The following DAAM1 variants were observed in gnomAD, a reference collection of about 807,000 sequenced individuals.
DAAM1 encodes the protein disheveled-associated activator of morphogenesis 1.
DAAM1 carries 52 observed loss-of-function variants against 130.0 expected under a neutral mutation model. That is an observed-to-expected ratio of 0.40 (90% CI 0.32 to 0.50). The LOEUF is 0.50. Among genes scored for constraint, DAAM1 ranks in the 20% least tolerant of loss-of-function variants. The probability of loss-of-function intolerance (pLI) is 0.61; values close to 1 mark genes in which losing one functional copy is unlikely to be tolerated. For missense variants in DAAM1, 1,134 were observed against 1,303.8 expected, an observed-to-expected ratio of 0.87 and a Z score of 2.01; for synonymous variants, 452 against 444.5, an observed-to-expected ratio of 1.02 and a Z score of -0.21.
rs1185350167 is a variant in DAAM1 at position 59,255,873 on chromosome 14, A to G, written c.-37-7568A>G. Among the ~76,000 whole-genome samples, 4 of 152,208 alleles carry G rather than the reference A, an allele frequency of 2.6e-5. No homozygotes were observed. The East Asian group carries it at 5.8e-4, about 22-fold the overall frequency. ...ATTCATATAATAGAAGTGGGGAAGA[A>G]CAATTATGGTCCCCACTGCACTTTG... On this transcript the variant is annotated intron_variant, in intron 1 of 24. Coordinates refer to ENST00000360909, the MANE Select transcript of DAAM1 (RefSeq NM_001270520.2).
chr14:59,240,935 A>G (rs1020643418), intron 1 of DAAM1, among the ~76,000 whole-genome samples: 1 of 152,236 alleles, frequency 6.6e-6, no homozygotes, highest in African/African-American at 2.4e-5. Context: ...GAAGTAGGCA[A>G]ATAGGTAAGA....
chr14:59,280,531 C>CT (rs1287612040), intron 2 of DAAM1, among the ~76,000 whole-genome samples: 43 of 131,898 alleles, frequency 3.3e-4, no homozygotes, highest in Non-Finnish European at 6.3e-5. Context: ...TTCTGCACAC[C>CT]TTCCTTTTTT....
At chr14:59,269,442 A>G (rs1487153873) in intron 2 of DAAM1, among the ~76,000 whole-genome samples, 1 of 152,238 alleles carries the variant, frequency 6.6e-6, no homozygotes, top group Non-Finnish European at 1.5e-5. Flanking sequence ...GGGGAGCTCT[A>G]CAGTTGTCCA....
intron 22 of DAAM1, among the ~76,000 whole-genome samples, chr14:59,361,564 G>A (rs961995632): frequency 2.6e-5 from 4 of 152,214 alleles, no homozygotes; most frequent in Admixed American, 2.0e-4. Flanking sequence ...CATAGAGGGA[G>A]GTTATCCCAG....
At chr14:59,307,918 A>G (rs1334596893) in intron 3 of DAAM1, among the ~76,000 whole-genome samples, 1 of 152,220 alleles carries the variant, frequency 6.6e-6, no homozygotes, top group Non-Finnish European at 1.5e-5. Context: ...AAGCATCCTC[A>G]GTCTTATAAT....
At chr14:59,230,863 A>G (rs1336985742) in intron 1 of DAAM1, among the ~76,000 whole-genome samples, 2 of 152,182 alleles carry the variant, frequency 1.3e-5, no homozygotes, top group African/African-American at 2.4e-5. Flanking sequence ...ATGTACACCT[A>G]TATACCCATA....
At chr14:59,254,704 G>A (rs1292585902) in intron 1 of DAAM1, among the ~76,000 whole-genome samples, 1 of 152,162 alleles carries the variant, frequency 6.6e-6, no homozygotes, top group Non-Finnish European at 1.5e-5. Context: ...TTTCTGTCAC[G>A]TGAACAGCAC....
Position 59,326,924 on chromosome 14 carries a change from C to T in DAAM1, c.1314-9C>T. 1 of 1,613,738 alleles carries T rather than the reference C, an allele frequency of 6.2e-7. No homozygotes were observed. ...TTTTGTAATAAATGCTCCTTGAACT[C>T]TTACACAGGTTGGTTAATGAAAATG... On this transcript the variant is annotated splice_polypyrimidine_tract_variant and intron_variant, in intron 11 of 24. Transcript: ENST00000360909.
At chr14:59,228,009 A>G (rs1888993694) in intron 1 of DAAM1, among the ~76,000 whole-genome samples, 1 of 152,232 alleles carries the variant, frequency 6.6e-6, no homozygotes, top group African/African-American at 2.4e-5. Flanking sequence ...AACTTAGAGC[A>G]TAGAACTTGG....
At chr14:59,251,655 C>A (rs896648575) in intron 1 of DAAM1, among the ~76,000 whole-genome samples, 1 of 152,108 alleles carries the variant, frequency 6.6e-6, no homozygotes, top group Non-Finnish European at 1.5e-5. Flanking sequence ...CCTCCTAGAG[C>A]CACACAGCAC....
chr14:59,320,409 AAAT>A (rs1884960652), intron 4 of DAAM1, 78 bp from the exon 5 acceptor site: 19 of 1,114,136 alleles, frequency 1.7e-5, no homozygotes, highest in Non-Finnish European at 2.4e-5. Context: ...TGATAGTGAC[AAAT>A]AATCTGTAGG....
intron 16 of DAAM1, among the ~76,000 whole-genome samples, chr14:59,340,683 G>A (rs569583052): frequency 2.0e-5 from 3 of 152,264 alleles, no homozygotes; most frequent in Admixed American, 6.5e-5. Flanking sequence ...AATTTATCCA[G>A]TTCAGCCCTG....
chr14:59,308,024 A>G (rs1246155253), intron 3 of DAAM1, among the ~76,000 whole-genome samples: 1 of 152,246 alleles, frequency 6.6e-6, no homozygotes, highest in African/African-American at 2.4e-5. Context: ...TCCACTTAAT[A>G]TGACGTGTCT....
chr14:59,338,375 A>G (rs1215903199), intron 15 of DAAM1: 4 of 1,613,556 alleles, frequency 2.5e-6, no homozygotes, highest in Non-Finnish European at 3.4e-6. Context: ...TGCCTCTGCC[A>G]TGGCTGTAGG....
In DAAM1 at chr14:59,369,669, C is replaced by T. The variant is rs1168470781; in HGVS notation, c.*810C>T. On this transcript the variant is annotated 3_prime_UTR_variant, in exon 25 of 25. Coordinates refer to ENST00000360909, the MANE Select transcript of DAAM1 (RefSeq NM_001270520.2). ...CATTGCCAGAGTATGCTTGTTCTAA[C>T]AATATAGATATATAAACCTTAAAAA... 7.4e-6 allele frequency: 1 copy of T among 134,476 alleles called. No homozygotes were observed. Among genetic ancestry groups the T allele is most frequent in the East Asian group, 2.3e-4 (1 of 4,340 alleles). The allele number at this position is 134,476 out of a possible 1,614,324, so 8.3% of individuals were successfully genotyped here.
chr14:59,276,262 C>A (rs145573051), intron 2 of DAAM1, among the ~76,000 whole-genome samples: 32 of 152,276 alleles, frequency 2.1e-4, no homozygotes, highest in Middle Eastern at 3.4e-3. Flanking sequence ...CTTAATAGTA[C>A]ATTTTCTCCA....
intron 1 of DAAM1, among the ~76,000 whole-genome samples, chr14:59,247,203 T>C (rs1269644472): frequency 1.3e-5 from 2 of 152,144 alleles, no homozygotes; most frequent in African/African-American, 4.8e-5. Context: ...AATCATATAT[T>C]TGAGAGTTTG....
In DAAM1 at chr14:59,257,068, T is replaced by G. The variant is rs371519153; in HGVS notation, c.-37-6373T>G. The stretch of plus-strand genomic sequence containing the variant: ...TCTTGGGAAGCTGGAAAGCTGCAAA[T>G]ATCCCAAGGATGGAATTCATTTATG... On this transcript the variant is annotated intron_variant, in intron 1 of 24. Coordinates refer to ENST00000360909, the MANE Select transcript of DAAM1 (RefSeq NM_001270520.2). Among the ~76,000 whole-genome samples, 23 of 152,268 alleles carry G rather than the reference T, an allele frequency of 1.5e-4. 1 individual carries two copies. The highest frequency in any genetic ancestry group is 8.5e-4 in the Admixed American group (13 of 15,304).
intron 2 of DAAM1, among the ~76,000 whole-genome samples, chr14:59,270,699 A>G (rs1882672433): frequency 6.6e-6 from 1 of 152,200 alleles, no homozygotes; most frequent in Non-Finnish European, 1.5e-5. Context: ...GACAAAGAGA[A>G]TTACCAGGAG....
Sources: allele counts gnomAD v4.1 joint callset (sites outside exome capture counted in the v4.1 genomes callset), GRCh38; gene constraint gnomAD v4.1.1; transcripts MANE v1.5; gene names NCBI Gene and HGNC (gene_info 2026-07-23, HGNC 2026-07-21).